Variants in DLG2 observed in about 807,000 individuals in gnomAD.
DLG2 encodes disks large homolog 2.
In DLG2, 45 loss-of-function variants were observed where a neutral mutation model predicts 132.5. That is an observed-to-expected ratio of 0.34 (90% CI 0.27 to 0.44). The LOEUF is 0.44. Among genes scored for constraint, DLG2 ranks in the 20% least tolerant of loss-of-function variants. The pLI, the probability that DLG2 is intolerant of heterozygous loss-of-function variation, is 1.00. For missense variants in DLG2, 1,045 were observed against 1,196.9 expected, an observed-to-expected ratio of 0.87 and a Z score of 1.87; for synonymous variants, 424 against 419.6, an observed-to-expected ratio of 1.01 and a Z score of -0.13.
chr11:84,323,720 C>CTTTTTTTTTTT (rs35283044), intron 7 of DLG2, among the ~76,000 whole-genome samples: 2 of 123,788 alleles, frequency 1.6e-5, no homozygotes, highest in Non-Finnish European at 1.7e-5. Flanking sequence ...TTCTTTTTTC[C>CTTTTTTTTTTT]TTTTTTTTTT....
intron 7 of DLG2, among the ~76,000 whole-genome samples, chr11:84,355,470 G>A (rs2098605770): frequency 6.6e-6 from 1 of 152,032 alleles, no homozygotes; most frequent in African/African-American, 2.4e-5. Flanking sequence ...CTTCTGCCAA[G>A]TGAAGACACA....
chr11:85,442,761 A>G (rs190146200), intron 3 of DLG2, among the ~76,000 whole-genome samples: 3 of 152,268 alleles, frequency 2.0e-5, no homozygotes, highest in Non-Finnish European at 4.4e-5. Context: ...ATGTACCTGT[A>G]GTCCCAGCTA....
chr11:85,006,135 A>T (rs1331768214), intron 6 of DLG2, among the ~76,000 whole-genome samples: 1 of 152,020 alleles, frequency 6.6e-6, no homozygotes, highest in East Asian at 1.9e-4. Flanking sequence ...CCCATAGTTT[A>T]TTGAGGATTT....
chr11:85,303,501 A>G (rs766096585), intron 3 of DLG2, among the ~76,000 whole-genome samples: 2 of 152,214 alleles, frequency 1.3e-5, no homozygotes, highest in African/African-American at 4.8e-5. Flanking sequence ...TGCAATGTAC[A>G]CATACCCATG....
intron 16 of DLG2, among the ~76,000 whole-genome samples, chr11:83,846,442 T>C (rs1035153391): frequency 2.0e-5 from 3 of 152,366 alleles, no homozygotes; most frequent in Middle Eastern, 3.4e-3. Context: ...TAAGTGTTTA[T>C]GTTACATTGT....
intron 6 of DLG2, among the ~76,000 whole-genome samples, chr11:85,111,205 G>A (rs1271859470): frequency 6.6e-6 from 1 of 152,110 alleles, no homozygotes; most frequent in Non-Finnish European, 1.5e-5. Flanking sequence ...TTCTCTGGTA[G>A]AAGATACTAT....
In DLG2 at chr11:84,832,004, A is replaced by G. The variant is rs140544566; in HGVS notation, c.357+279657T>C. Among the ~76,000 whole-genome samples, 229 of 151,756 alleles carry G rather than the reference A, an allele frequency of 1.5e-3. 2 individuals carry two copies. The highest frequency in any genetic ancestry group is 3.3e-3 in the East Asian group (17 of 5,112). On this transcript the variant is annotated intron_variant, in intron 6 of 27. Transcript: ENST00000376104. ...AAGTTCCTAAGAACTGCAGGAAATA[A>G]AAAGTATTGTGGCTAAGCAGTATCT... is the stretch of plus-strand genomic sequence containing the variant.
intron 9 of DLG2, among the ~76,000 whole-genome samples, chr11:84,134,400 T>C (rs1266751872): frequency 6.6e-6 from 1 of 152,144 alleles, no homozygotes; most frequent in Non-Finnish European, 1.5e-5. Flanking sequence ...AGAAGTGCTA[T>C]TTATTAAAGC....
At chr11:83,479,141 C>T (rs1393420570) in intron 22 of DLG2, among the ~76,000 whole-genome samples, 2 of 151,452 alleles carry the variant, frequency 1.3e-5, no homozygotes, top group East Asian at 1.9e-4. Flanking sequence ...ATCAATCTAA[C>T]GTTTGATTGA....
At chr11:85,495,412 A>C (rs1242364399) in intron 3 of DLG2, among the ~76,000 whole-genome samples, 1 of 152,204 alleles carries the variant, frequency 6.6e-6, no homozygotes, top group Non-Finnish European at 1.5e-5. Flanking sequence ...CCTAGACTCT[A>C]CAAGGAACTT....
rs536847847 is a variant in DLG2, at chr11:84,465,376, T to A, written c.519+69194A>T. Among the ~76,000 whole-genome samples, 44 of 151,372 alleles carry A rather than the reference T, an allele frequency of 2.9e-4. No individual in the cohort carries two copies. The South Asian group carries it at 4.1e-3, about 14-fold the overall frequency. On this transcript the variant is annotated intron_variant, in intron 7 of 27. Transcript: ENST00000376104. ...ATTAGGCAAGTGGCATTTATTTGCC[T>A]CATATCTACTTACTAGTGGATCTTC...
chr11:85,424,581 A>T (rs1436371837), intron 3 of DLG2, among the ~76,000 whole-genome samples: 1 of 152,190 alleles, frequency 6.6e-6, no homozygotes, highest in Admixed American at 6.5e-5. Flanking sequence ...TTCTTATGTG[A>T]GGCTGAAAGT....
chr11:85,550,001 G>A (rs143159983), intron 3 of DLG2, among the ~76,000 whole-genome samples: 3 of 152,262 alleles, frequency 2.0e-5, no homozygotes, highest in South Asian at 2.1e-4. Flanking sequence ...AATATAAGCA[G>A]CTGAGCAGCC....
intron 7 of DLG2, among the ~76,000 whole-genome samples, chr11:84,476,780 G>A (rs1369065852): frequency 6.6e-6 from 1 of 152,136 alleles, no homozygotes; most frequent in Non-Finnish European, 1.5e-5. Flanking sequence ...TCAGCAGAGA[G>A]CCAGCACCAA....
intron 18 of DLG2, among the ~76,000 whole-genome samples, chr11:83,638,767 A>C (rs2153474315): frequency 6.6e-6 from 1 of 152,314 alleles, no homozygotes; most frequent in East Asian, 1.9e-4. Flanking sequence ...ATAAGTTCAT[A>C]GTGACTTGGA....
chr11:83,506,261 T>C (rs535243308), intron 21 of DLG2, among the ~76,000 whole-genome samples: 1 of 152,290 alleles, frequency 6.6e-6, no homozygotes, highest in East Asian at 1.9e-4. Context: ...TAGAACCTTT[T>C]CTAAGTCCCT....
At chr11:84,706,775 C>G (rs922937004) in intron 6 of DLG2, among the ~76,000 whole-genome samples, 2 of 151,732 alleles carry the variant, frequency 1.3e-5, no homozygotes, top group African/African-American at 2.4e-5. Context: ...TATTCATTAT[C>G]TCTTACTTTG....
chr11:84,183,558 A>C lies in DLG2; in HGVS notation c.574-20047T>G, dbSNP rs551677057. On this transcript the variant is annotated intron_variant, in intron 8 of 27. Coordinates refer to ENST00000376104, the MANE Select transcript of DLG2 (RefSeq NM_001142699.3). ...AGAAAAAACATAAGTAAACTTGGAA[A>C]TATATCAATAGAAATGTTTCTTTTT... is the stretch of plus-strand genomic sequence containing the variant. 1.2e-4 allele frequency among the ~76,000 whole-genome samples: 18 copies of C among 152,328 alleles called. No homozygotes were observed. In the South Asian group the frequency reaches 3.5e-3, roughly 30 times the overall value.
intron 4 of DLG2, among the ~76,000 whole-genome samples, chr11:85,226,043 C>T (rs2152626880): frequency 6.6e-6 from 1 of 152,128 alleles, no homozygotes; most frequent in Admixed American, 6.6e-5. Flanking sequence ...TTCCTTTAAT[C>T]AAAATTGAAT....
Sources: gnomAD v4.1 joint callset for allele counts (sites outside exome capture counted in the v4.1 genomes callset) on GRCh38, gnomAD v4.1.1 for gene constraint, MANE v1.5 for transcripts, NCBI Gene and HGNC (gene_info 2026-07-23, HGNC 2026-07-21) for gene names.